Variants in LDB2 observed in about 807,000 individuals in gnomAD.
The protein encoded by LDB2 is LIM domain binding 2.
LDB2 carries 12 observed loss-of-function variants against 44.3 expected under a neutral mutation model. The ratio of observed to expected loss-of-function variants is 0.27; its 90% CI spans 0.17 to 0.44. LDB2 has a LOEUF of 0.44. Among genes scored for constraint, LDB2 ranks in the 20% least tolerant of loss-of-function variants. The pLI, the probability that LDB2 is intolerant of heterozygous loss-of-function variation, is 1.00. For synonymous variants in LDB2, 164 were observed against 174.8 expected (o/e 0.94, Z 0.49); for missense variants, 344 against 473.5 (o/e 0.73, Z 2.54).
chr4:16,759,046 A>G (rs965070374), intron 2 of LDB2, 112 bp downstream of exon 2: 10 of 666,950 alleles, frequency 1.5e-5, no homozygotes, highest in Admixed American at 2.5e-5. Flanking sequence ...CATTCTCAGG[A>G]GTGGAGGTAT....
chr4:16,817,053 C>G (rs544127352), intron 1 of LDB2, among the ~76,000 whole-genome samples: 18 of 152,186 alleles, frequency 1.2e-4, no homozygotes, highest in Admixed American at 1.1e-3. Context: ...GTGGGGGGAA[C>G]AGGCCCTGTG....
chr4:16,643,017 T>G lies in LDB2; in HGVS notation c.236-47142A>C, dbSNP rs564610287. On this transcript the variant is annotated intron_variant, in intron 2 of 7. Transcript: ENST00000304523. Reference sequence around the variant, plus strand: ...TAAACACCTTAACCTCCATGTATGATGCCTGGCAGAGCCACCTCTAAAGAA... The same window carrying G: ...TAAACACCTTAACCTCCATGTATGAGGCCTGGCAGAGCCACCTCTAAAGAA... Among the ~76,000 whole-genome samples the G allele has an allele frequency of 3.9e-5, 6 of 152,356 alleles. No homozygotes were observed. The East Asian group carries it at 1.2e-3, about 29-fold the overall frequency.
chr4:16,602,038 G>T (rs1262973168), intron 2 of LDB2, among the ~76,000 whole-genome samples: 1 of 152,152 alleles, frequency 6.6e-6, no homozygotes, highest in Admixed American at 6.5e-5. Context: ...AAATTGGCAT[G>T]ACTTTCATTC....
At chr4:16,700,854 T>C (rs549777588) in intron 2 of LDB2, among the ~76,000 whole-genome samples, 1 of 152,326 alleles carries the variant, frequency 6.6e-6, no homozygotes, top group Non-Finnish European at 1.5e-5. Context: ...TCAGAATAAA[T>C]GTTCTCATCA....
chr4:16,698,629 G>A (rs1299147978), intron 2 of LDB2, among the ~76,000 whole-genome samples: 1 of 151,586 alleles, frequency 6.6e-6, no homozygotes, highest in African/African-American at 2.4e-5. Flanking sequence ...CTTTCTGTAG[G>A]TTCTTTGTAA....
chr4:16,840,671 C>A (rs1785719720), intron 1 of LDB2, among the ~76,000 whole-genome samples: 1 of 152,186 alleles, frequency 6.6e-6, no homozygotes, highest in South Asian at 2.1e-4. Context: ...AAGTTGTGAC[C>A]TTGGACGACT....
intron 1 of LDB2, among the ~76,000 whole-genome samples, chr4:16,890,265 A>G (rs185484688): frequency 1.3e-3 from 203 of 152,334 alleles, no homozygotes; most frequent in African/African-American, 4.8e-3. Flanking sequence ...TCTAGGTTTG[A>G]GAGGAAGCAG....
intron 5 of LDB2, among the ~76,000 whole-genome samples, chr4:16,534,323 T>C (rs758460747): frequency 6.6e-6 from 1 of 152,218 alleles, no homozygotes; most frequent in Non-Finnish European, 1.5e-5. Context: ...GATACTTTTA[T>C]GTTGATGAAC....
At chr4:16,641,462 A>G (rs1735146668) in intron 2 of LDB2, among the ~76,000 whole-genome samples, 1 of 152,180 alleles carries the variant, frequency 6.6e-6, no homozygotes. Flanking sequence ...TATAGGAAGC[A>G]TGGCATGGGT....
At chr4:16,538,433 A>G (rs1010503986) in intron 5 of LDB2, among the ~76,000 whole-genome samples, 2 of 152,190 alleles carry the variant, frequency 1.3e-5, no homozygotes, top group African/African-American at 2.4e-5. Context: ...CAAAAACAAA[A>G]ACAAAACAAA....
chr4:16,737,154 C>T (rs1202255301), intron 2 of LDB2, among the ~76,000 whole-genome samples: 1 of 152,092 alleles, frequency 6.6e-6, no homozygotes, highest in Non-Finnish European at 1.5e-5. Flanking sequence ...TTTTAAGAAT[C>T]AAAATTTGAC....
intron 2 of LDB2, among the ~76,000 whole-genome samples, chr4:16,668,457 C>T (rs926640397): frequency 6.6e-5 from 10 of 152,196 alleles, no homozygotes; most frequent in Non-Finnish European, 1.0e-4. Flanking sequence ...TAAGCCTCTT[C>T]CCTTCTTTTA....
chr4:16,546,894 GCCC>G (rs1259230895), intron 5 of LDB2, among the ~76,000 whole-genome samples: 2 of 152,068 alleles, frequency 1.3e-5, no homozygotes, highest in African/African-American at 4.8e-5. Flanking sequence ...TGTTGGTCTT[GCCC>G]CACTCTTCTG....
intron 1 of LDB2, among the ~76,000 whole-genome samples, chr4:16,887,091 G>C (rs1388663624): frequency 7.4e-6 from 1 of 135,104 alleles, no homozygotes; most frequent in Non-Finnish European, 1.6e-5. Context: ...TTGGAAAACT[G>C]AAAAAGGAGA....
At chr4:16,713,575 CAT>C (rs1756402019) in intron 2 of LDB2, among the ~76,000 whole-genome samples, 1 of 152,108 alleles carries the variant, frequency 6.6e-6, no homozygotes, top group Non-Finnish European at 1.5e-5. Flanking sequence ...TACTGTGAAT[CAT>C]TGTGTAGTCT....
chr4:16,762,889 G>A (rs182247348), intron 1 of LDB2, among the ~76,000 whole-genome samples: 1 of 152,176 alleles, frequency 6.6e-6, no homozygotes. Context: ...TCTATGAGCA[G>A]TGTTACAGGT....
At chr4:16,553,100 A>G (rs1738239774) in intron 5 of LDB2, among the ~76,000 whole-genome samples, 1 of 152,226 alleles carries the variant, frequency 6.6e-6, no homozygotes, top group Non-Finnish European at 1.5e-5. Context: ...AGGTAGGCAA[A>G]GAAGGATTTT....
At chr4:16,511,113 A>G (rs1320257068) in intron 6 of LDB2, among the ~76,000 whole-genome samples, 1 of 152,216 alleles carries the variant, frequency 6.6e-6, no homozygotes, top group Non-Finnish European at 1.5e-5. Context: ...TAAATTTGCT[A>G]TATTCATTTT....
chr4:16,511,865 A>C, intron 6 of LDB2, 116 bp downstream of exon 6: 1 of 1,180,858 alleles, frequency 8.5e-7, no homozygotes, highest in South Asian at 1.6e-5. Context: ...GAATATCCCT[A>C]ATAAGCTACT....
Sources: allele counts gnomAD v4.1 joint callset (sites outside exome capture counted in the v4.1 genomes callset), GRCh38; gene constraint gnomAD v4.1.1; transcripts MANE v1.5; gene names NCBI Gene and HGNC (gene_info 2026-07-23, HGNC 2026-07-21).